MCTP1: variants seen among roughly 807,000 people sequenced by gnomAD.
MCTP1 encodes multiple C2 and transmembrane domain-containing protein 1.
A neutral mutation model predicts 120.6 loss-of-function variants in MCTP1; 69 were observed. The observed-to-expected ratio is 0.57, with a 90% confidence interval of 0.47 to 0.70. MCTP1 has a LOEUF of 0.70. Ranked by LOEUF, MCTP1 falls within the 30% of genes least tolerant of loss-of-function variation. The pLI is 0.00. For missense variants in MCTP1, 1,203 were observed against 1,248.8 expected, an observed-to-expected ratio of 0.96 and a Z score of 0.55; for synonymous variants, 529 against 493.1, an observed-to-expected ratio of 1.07 and a Z score of -0.96.
At chr5:95,093,220 G>C (rs552019846) in intron 1 of MCTP1, among the ~76,000 whole-genome samples, 2 of 152,254 alleles carry the variant, frequency 1.3e-5, no homozygotes, top group Non-Finnish European at 2.9e-5. Flanking sequence ...GAAGACAAAG[G>C]CTGACTCAAA....
rs1321859749 is a variant in MCTP1, at chr5:94,923,956, C to A, written c.1272+6G>T. 16 of 1,509,298 alleles carry A rather than the reference C, an allele frequency of 1.1e-5. No individual in the cohort carries two copies. The highest frequency in any genetic ancestry group is 1.3e-5 in the Non-Finnish European group (15 of 1,127,418). The allele number at this position is 1,509,298 out of a possible 1,614,324, so 93.5% of individuals were successfully genotyped here. Reference sequence around the variant, plus strand: ...AGAATATTAACAAAAAGGATTTAGACATTACCCTCCAAAAGAGAGACTTCA... The same window carrying A: ...AGAATATTAACAAAAAGGATTTAGAAATTACCCTCCAAAAGAGAGACTTCA... On this transcript the variant is annotated splice_donor_region_variant and intron_variant, in intron 7 of 22. Coordinates refer to ENST00000515393, the MANE Select transcript of MCTP1 (RefSeq NM_024717.7).
chr5:95,268,499 T>G (rs975231025), intron 1 of MCTP1, among the ~76,000 whole-genome samples: 45 of 152,154 alleles, frequency 3.0e-4, no homozygotes, highest in Non-Finnish European at 7.3e-5. Flanking sequence ...GATAAAGTTA[T>G]AGGAAATAGA....
chr5:95,113,434 G>T (rs1487572568), intron 1 of MCTP1, among the ~76,000 whole-genome samples: 1 of 152,034 alleles, frequency 6.6e-6, no homozygotes, highest in Non-Finnish European at 1.5e-5. Context: ...TCCCCAAGCA[G>T]TGGCTGCATG....
intron 1 of MCTP1, among the ~76,000 whole-genome samples, chr5:95,046,503 C>A (rs1474229886): frequency 6.6e-6 from 1 of 152,096 alleles, no homozygotes; most frequent in Non-Finnish European, 1.5e-5. Flanking sequence ...TTTGTCAAGA[C>A]TCAAAGAGAA....
chr5:95,147,313 C>T (rs938776563), intron 1 of MCTP1, among the ~76,000 whole-genome samples: 1 of 152,166 alleles, frequency 6.6e-6, no homozygotes, highest in Non-Finnish European at 1.5e-5. Context: ...GTCTCGATCT[C>T]CTGACCTCGT....
At chr5:94,892,781 T>G (rs1310708971) in intron 11 of MCTP1, among the ~76,000 whole-genome samples, 3 of 152,174 alleles carry the variant, frequency 2.0e-5, no homozygotes, top group Non-Finnish European at 4.4e-5. Flanking sequence ...ATAGAAATAA[T>G]TCTCCAAACA....
intron 1 of MCTP1, among the ~76,000 whole-genome samples, chr5:95,043,762 A>C (rs1446997731): frequency 6.6e-6 from 1 of 152,034 alleles, no homozygotes; most frequent in East Asian, 1.9e-4. Context: ...TTTTTATTTT[A>C]TGTTAAGCAA....
chr5:94,751,196 T>C (rs1300560830), intron 19 of MCTP1, among the ~76,000 whole-genome samples: 2 of 152,126 alleles, frequency 1.3e-5, no homozygotes, highest in Non-Finnish European at 2.9e-5. Context: ...AGGGCCTTTC[T>C]CTCCTTTTCT....
chr5:94,805,489 C>T (rs926500149), intron 17 of MCTP1, among the ~76,000 whole-genome samples: 2 of 151,808 alleles, frequency 1.3e-5, no homozygotes, highest in Non-Finnish European at 2.9e-5. Context: ...GTAGCTGGGC[C>T]CGGTGGCATA....
At chr5:94,869,294 A>T (rs1211843792) in intron 16 of MCTP1, among the ~76,000 whole-genome samples, 1 of 152,054 alleles carries the variant, frequency 6.6e-6, no homozygotes, top group Non-Finnish European at 1.5e-5. Context: ...CGCTGATCTG[A>T]TATTTTAAGG....
chr5:94,742,659 A>G (rs1460326680), intron 19 of MCTP1, among the ~76,000 whole-genome samples: 1 of 152,122 alleles, frequency 6.6e-6, no homozygotes, highest in Non-Finnish European at 1.5e-5. Flanking sequence ...TTAATTTGAC[A>G]GAATATCTCT....
chr5:95,276,411 C>T, intron 1 of MCTP1, among the ~76,000 whole-genome samples: 1 of 151,446 alleles, frequency 6.6e-6, no homozygotes, highest in Middle Eastern at 3.4e-3. Flanking sequence ...GGTACCTACT[C>T]AACACCCAGC....
intron 3 of MCTP1, among the ~76,000 whole-genome samples, chr5:94,947,187 T>C (rs1819161281): frequency 1.3e-5 from 2 of 152,138 alleles, no homozygotes. Context: ...TGCCCAGTCC[T>C]TGGGTTCTAC....
chr5:94,915,600 C>G (rs1223261425), intron 8 of MCTP1, among the ~76,000 whole-genome samples: 1 of 152,144 alleles, frequency 6.6e-6, no homozygotes, highest in East Asian at 1.9e-4. Flanking sequence ...AAGTAAGTTT[C>G]TTTAACAGTG....
chr5:95,210,205 G>A (rs538545437), intron 1 of MCTP1, among the ~76,000 whole-genome samples: 62 of 152,264 alleles, frequency 4.1e-4, no homozygotes, highest in Non-Finnish European at 7.1e-4. Context: ...TTGGTGCAGA[G>A]CTGAGTAAAA....
intron 1 of MCTP1, among the ~76,000 whole-genome samples, chr5:95,207,291 C>T (rs1423795856): frequency 6.6e-6 from 1 of 152,172 alleles, no homozygotes; most frequent in African/African-American, 2.4e-5. Context: ...GAATAGGGGG[C>T]TTATCTCTGG....
chr5:95,112,907 A>G (rs1378211711), intron 1 of MCTP1, among the ~76,000 whole-genome samples: 2 of 152,238 alleles, frequency 1.3e-5, no homozygotes, highest in African/African-American at 4.8e-5. Context: ...TGTTCTCAAT[A>G]TCAACTGCTT....
At chr5:94,922,987 T>TA (rs1812059720) in intron 7 of MCTP1, among the ~76,000 whole-genome samples, 1 of 34,914 alleles carries the variant, frequency 2.9e-5, no homozygotes, top group East Asian at 6.3e-4. Context: ...CTCACAACAA[T>TA]AAAAAGCTGC....
At chr5:94,761,579 G>A (rs1274659161) in intron 19 of MCTP1, among the ~76,000 whole-genome samples, 1 of 152,146 alleles carries the variant, frequency 6.6e-6, no homozygotes, top group Non-Finnish European at 1.5e-5. Context: ...GATAAATCTT[G>A]GATAAAGAGA....
Sources: gnomAD v4.1 joint callset for allele counts (sites outside exome capture counted in the v4.1 genomes callset) on GRCh38, gnomAD v4.1.1 for gene constraint, MANE v1.5 for transcripts, NCBI Gene and HGNC (gene_info 2026-07-23, HGNC 2026-07-21) for gene names.